The following CILP variants were observed in gnomAD, a reference collection of about 807,000 sequenced individuals.
The protein encoded by CILP is cartilage intermediate layer protein, also known as cartilage intermediate layer protein 1.
A neutral mutation model predicts 82.5 loss-of-function variants in CILP; 75 were observed. The ratio of observed to expected loss-of-function variants is 0.91; its 90% CI spans 0.75 to 1.10. The LOEUF (loss-of-function observed/expected upper bound fraction) is 1.10. Among genes scored for constraint, CILP ranks in the 50% least tolerant of loss-of-function variants. The pLI, the probability that CILP is intolerant of heterozygous loss-of-function variation, is 0.00. For missense variants in CILP, 1,479 were observed against 1,530.8 expected, an observed-to-expected ratio of 0.97 and a Z score of 0.56; for synonymous variants, 530 against 580.3, an observed-to-expected ratio of 0.91 and a Z score of 1.25.
In CILP at chr15:65,198,999, C is replaced by T; in HGVS notation, c.1287G>A (p.Val429=). Residue 429 remains valine, a synonymous_variant, in exon 9 of 9, where the codon GTG becomes GTA. Coordinates refer to ENST00000261883, the MANE Select transcript of CILP (RefSeq NM_003613.4). ...QNATNSFYYD[V]GRCPVKTCAG... ...CACAAGTCTTAACAGGGCAGCGTCCCACGTCATAGTAGAAGGAGTTGGTGG... is the reference window on the plus strand; with the variant it reads ...CACAAGTCTTAACAGGGCAGCGTCCTACGTCATAGTAGAAGGAGTTGGTGG... The T allele has an allele frequency of 6.2e-7, 1 of 1,611,570 alleles. No individual in the cohort carries two copies. Among genetic ancestry groups the T allele is most frequent in the Non-Finnish European group, 8.5e-7 (1 of 1,180,026 alleles).
intron 8 of CILP, among the ~76,000 whole-genome samples, chr15:65,201,086 C>T (rs2088445569): frequency 2.0e-5 from 3 of 152,138 alleles, no homozygotes; most frequent in Non-Finnish European, 4.4e-5. Context: ...ACTGCAACCT[C>T]TGCCTCCTGA....
At position 65,199,084 on chromosome 15, in the gene CILP, G is replaced by A; in HGVS notation, c.1202C>T (p.Pro401Leu). The A allele has an allele frequency of 6.3e-7, 1 of 1,593,378 alleles. No homozygotes were observed. The highest frequency in any genetic ancestry group is 2.2e-5 in the East Asian group (1 of 44,820). ...ATAGCTCTCAGGAACTGGGTTGCAAGGAGTCTCATCAGATGCTGTGTAGGG... is the reference window on the plus strand; with the variant it reads ...ATAGCTCTCAGGAACTGGGTTGCAAAGAGTCTCATCAGATGCTGTGTAGGG... ...QLIVIASDET[P>L]CNPVPESYLI... is the part of the protein sequence containing the mutation. The change falls in exon 9 of 9, where the codon CCT (proline) becomes CTT (leucine). Residue 401 changes from proline (P) to leucine (L), a missense_variant. Coordinates refer to ENST00000261883, the MANE Select transcript of CILP (RefSeq NM_003613.4).
rs147788917 is a variant in CILP, at chr15:65,198,986, C to G, written c.1300G>C (p.Val434Leu). The change falls in exon 9 of 9, where the codon GTT becomes CTT. Residue 434 changes from valine to leucine, a missense_variant. Physicochemically the swap from Val to Leu is conservative, Grantham distance 32. Transcript: ENST00000261883. ...SFYYDVGRCP[V>L]KTCAGQQDNG... ...TCCTGCTGCCCTGCACAAGTCTTAACAGGGCAGCGTCCCACGTCATAGTAG... is the reference window on the plus strand; with the variant it reads ...TCCTGCTGCCCTGCACAAGTCTTAAGAGGGCAGCGTCCCACGTCATAGTAG... 3 of 1,612,744 alleles carry G rather than the reference C, an allele frequency of 1.9e-6. No homozygotes were observed. The highest frequency in any genetic ancestry group is 2.7e-5 in the African/African-American group (2 of 74,940).
chr15:65,208,009 G>C (rs1386648749), intron 2 of CILP, among the ~76,000 whole-genome samples: 1 of 152,192 alleles, frequency 6.6e-6, no homozygotes, highest in Non-Finnish European at 1.5e-5. Context: ...TTATTCAGGT[G>C]ATAATGAATG....
chr15:65,208,350 C>T (rs2088542152), intron 2 of CILP, among the ~76,000 whole-genome samples: 2 of 152,182 alleles, frequency 1.3e-5, no homozygotes. Context: ...TTACTTAACC[C>T]AGCTGACCCC....
intron 7 of CILP, among the ~76,000 whole-genome samples, chr15:65,203,145 C>A (rs2088478848): frequency 6.6e-6 from 1 of 152,120 alleles, no homozygotes; most frequent in Non-Finnish European, 1.5e-5. Context: ...CCAAAGGGTT[C>A]CCCCAGCTTT....
rs760776121 is a variant in CILP, at chr15:65,198,671, G to C, written c.1615C>G (p.Leu539Val). ...TTCTGCAGCCTGTCCACAAATGTGA[G>C]CACCAGCCTCTCAGTGTCCTGGGGG... ...HVPQDTERLV[L>V]TFVDRLQKFV... The change falls in exon 9 of 9, where the codon CTC becomes GTC. Residue 539 changes from leucine (L) to valine (V), a missense_variant. Coordinates refer to ENST00000261883, the MANE Select transcript of CILP (RefSeq NM_003613.4). 6.2e-7 allele frequency: 1 copy of C among 1,614,100 alleles called. No homozygotes were observed. Among genetic ancestry groups the C allele is most frequent in the African/African-American group, 1.3e-5 (1 of 74,942 alleles).
At chr15:65,199,418 G>A (rs557184995) in intron 8 of CILP, among the ~76,000 whole-genome samples, 3 of 152,326 alleles carry the variant, frequency 2.0e-5, no homozygotes, top group South Asian at 2.1e-4. Context: ...GGCCATTGAT[G>A]TTCTATGTCC....
rs2088491917 is a variant in CILP, at chr15:65,204,272, C to T, written c.915G>A (p.Arg305=). 6.2e-7 allele frequency: 1 copy of T among 1,613,032 alleles called. No individual in the cohort carries two copies. The highest frequency in any genetic ancestry group is 8.5e-7 in the Non-Finnish European group (1 of 1,179,774). The stretch of plus-strand genomic sequence containing the variant: ...TACCCCAAAGAATTTAGTTACCTGC[C>T]CTCACAAACTCTGCCTTGATGGTGG... ...KAATIKAEFV[R]AETPYMVMNP... Residue 305 remains arginine, a synonymous_variant, in exon 6 of 9, where the codon AGG becomes AGA. Coordinates refer to ENST00000261883, the MANE Select transcript of CILP (RefSeq NM_003613.4).
rs576813096 is a variant in CILP, at chr15:65,209,999, C to A, written c.-106-138G>T. ...AGTGATATCTGCCTGAGTTGTGAAA[C>A]CAGGTAGCTTGGGAGGTGCAGAGGC... On this transcript the variant is annotated intron_variant, in intron 1 of 8. Transcript: ENST00000261883. The A allele has an allele frequency of 7.2e-5, 34 of 475,128 alleles. No homozygotes were observed. In the East Asian group the frequency reaches 1.2e-3, roughly 17 times the overall value. The allele number at this position is 475,128 out of a possible 1,614,324, so 29.4% of individuals were successfully genotyped here. A position where few individuals can be genotyped will look rare whatever the true frequency, so the allele number is the denominator to read the frequency against.
chr15:65,205,361 C>T lies in CILP; in HGVS notation c.530G>A (p.Cys177Tyr). 1.2e-6 allele frequency: 2 copies of T among 1,614,166 alleles called. No homozygotes were observed. The highest frequency in any genetic ancestry group is 1.7e-6 in the Non-Finnish European group (2 of 1,180,038). ...QTGVQTRTRICLAEMVSLCSE... is the reference protein window; with the variant it reads ...QTGVQTRTRIYLAEMVSLCSE... Reference sequence around the variant, plus strand: ...GCACAGCGACACCATCTCTGCCAAGCAAATGCGTGTGCGAGTCTGGACCCC... The same window carrying T: ...GCACAGCGACACCATCTCTGCCAAGTAAATGCGTGTGCGAGTCTGGACCCC... The change falls in exon 5 of 9, where the codon TGC becomes TAC. Residue 177 changes from cysteine to tyrosine, a missense_variant. Coordinates refer to ENST00000261883, the MANE Select transcript of CILP (RefSeq NM_003613.4).
chr15:65,198,243 G>C lies in CILP; in HGVS notation c.2043C>G (p.His681Gln). 1 of 1,614,242 alleles carries C rather than the reference G, an allele frequency of 6.2e-7. No homozygotes were observed. Among genetic ancestry groups the C allele is most frequent in the Non-Finnish European group, 8.5e-7 (1 of 1,180,048 alleles). ...GCATCTTGACCTGGGTCGAGTCAAGGTGGACCTTCACTTTGCCAGCATTAA... is the reference window on the plus strand; with the variant it reads ...GCATCTTGACCTGGGTCGAGTCAAGCTGGACCTTCACTTTGCCAGCATTAA... ...EPLNAGKVKV[H>Q]LDSTQVKMPE... The change falls in exon 9 of 9, where the codon CAC becomes CAG. Residue 681 changes from histidine (H) to glutamine (Q), a missense_variant. By Grantham distance (24) the His-to-Gln change is conservative (BLOSUM62 0). Transcript: ENST00000261883.
Position 65,198,397 on chromosome 15 carries a change from C to T in CILP, c.1889G>A (p.Arg630Gln), listed in dbSNP as rs199711765. Reference sequence around the variant, plus strand: ...GGCAGCTGTGGCTGTGGAAATATTCCGGGGATCCAGGAAGGTCACACTGGC... The same window carrying T: ...GGCAGCTGTGGCTGTGGAAATATTCTGGGGATCCAGGAAGGTCACACTGGC... ...VKASVTFLDP[R>Q]NISTATAAQT... The change falls in exon 9 of 9, where the codon CGG (arginine) becomes CAG (glutamine). Residue 630 changes from arginine (R) to glutamine (Q), a missense_variant. Physicochemically the swap from Arg to Gln is conservative, Grantham distance 43. Transcript: ENST00000261883. The T allele has an allele frequency of 1.8e-5, 29 of 1,614,178 alleles. No individual in the cohort carries two copies. Among genetic ancestry groups the T allele is most frequent in the East Asian group, 4.5e-5 (2 of 44,882 alleles).
Position 65,196,875 on chromosome 15 carries a change from T to C in CILP, c.3411A>G (p.Pro1137=). 1 of 1,613,900 alleles carries C rather than the reference T, an allele frequency of 6.2e-7. No individual in the cohort carries two copies. Residue 1137 remains proline (P), a synonymous_variant, in exon 9 of 9, where the codon CCA becomes CCG. Transcript: ENST00000261883. ...CAGTGCCTGCAGCAGGGGACTGGGC[T>C]GGGGTGCTTTGGAGGTACTGGAAGG... ...QSAFQYLQST[P]AQSPAAGTVQ... is the part of the protein sequence containing the mutation.
chr15:65,206,762 G>T lies in CILP; in HGVS notation c.424+20C>A, dbSNP rs1450356231. On this transcript the variant is annotated intron_variant, in intron 4 of 8. Coordinates refer to ENST00000261883, the MANE Select transcript of CILP (RefSeq NM_003613.4). Reference sequence around the variant, plus strand: ...GGCCAGTGGGAAGTAGCGGGTGGGGGTGGGGGCGTTCTGGCTTACCTGGTG... The same window carrying T: ...GGCCAGTGGGAAGTAGCGGGTGGGGTTGGGGGCGTTCTGGCTTACCTGGTG... The T allele has an allele frequency of 5.6e-6, 9 of 1,594,786 alleles. No individual in the cohort carries two copies. The highest frequency in any genetic ancestry group is 1.3e-5 in the African/African-American group (1 of 74,380).
At chr15:65,209,579 T>G in intron 2 of CILP, 116 bp downstream of exon 2, 1 of 856,112 alleles carries the variant, frequency 1.2e-6, no homozygotes, top group Non-Finnish European at 1.9e-6. Flanking sequence ...TAAAGTGGCC[T>G]CAGGTCTTAA....
Position 65,198,322 on chromosome 15 carries a change from C to A in CILP, c.1964G>T (p.Arg655Leu). ...INDEGDTFPL[R>L]TYGMFSVDFR... ...GTCCACAGAGAACATGCCATACGTCCGAAGGGGGAAAGTGTCTCCTTCGTC... is the reference window on the plus strand; with the variant it reads ...GTCCACAGAGAACATGCCATACGTCAGAAGGGGGAAAGTGTCTCCTTCGTC... The change falls in exon 9 of 9, where the codon CGG (arginine) becomes CTG (leucine). Residue 655 changes from arginine to leucine, a missense_variant. Physicochemically the swap from Arg to Leu is moderately radical, Grantham distance 102. Transcript: ENST00000261883. 6.2e-7 allele frequency: 1 copy of A among 1,614,170 alleles called. No homozygotes were observed. The highest frequency in any genetic ancestry group is 8.5e-7 in the Non-Finnish European group (1 of 1,180,042).
intron 8 of CILP, among the ~76,000 whole-genome samples, chr15:65,201,240 G>A (rs1245227953): frequency 3.9e-5 from 6 of 152,138 alleles, no homozygotes; most frequent in Non-Finnish European, 8.8e-5. Flanking sequence ...AACCTGAGGT[G>A]ATCCATCCAC....
At position 65,207,730 on chromosome 15, in the gene CILP, T is replaced by A; in HGVS notation, c.96A>T (p.Arg32Ser). 6.2e-7 allele frequency: 1 copy of A among 1,614,160 alleles called. No individual in the cohort carries two copies. The highest frequency in any genetic ancestry group is 1.7e-5 in the Admixed American group (1 of 60,018). The change falls in exon 3 of 9, where the codon AGA becomes AGT. Residue 32 changes from arginine (R) to serine (S), a missense_variant. Coordinates refer to ENST00000261883, the MANE Select transcript of CILP (RefSeq NM_003613.4). ...TGGGGTTCTTCTTCCCAGGCTGGAC[T>A]CTTCTTACTGACTGGGTGAGCATCG... Reference protein sequence around the residue: ...RQTMLTQSVRRVQPGKKNPSI... With the variant: ...RQTMLTQSVRSVQPGKKNPSI...
Sources: gnomAD v4.1 joint callset for allele counts (sites outside exome capture counted in the v4.1 genomes callset) on GRCh38, gnomAD v4.1.1 for gene constraint, MANE v1.5 for transcripts, NCBI Gene and HGNC (gene_info 2026-07-23, HGNC 2026-07-21) for gene names.